ERCC6L2: variants seen among roughly 807,000 people sequenced by gnomAD.
ERCC6L2 encodes ERCC excision repair 6 like 2, also known as DNA excision repair protein ERCC-6-like 2.
ERCC6L2 carries 77 observed loss-of-function variants against 132.0 expected under a neutral mutation model. That is an observed-to-expected ratio of 0.58 (90% CI 0.49 to 0.71). The LOEUF (loss-of-function observed/expected upper bound fraction) is 0.71. Ranked by LOEUF, ERCC6L2 falls within the 30% of genes least tolerant of loss-of-function variation. The probability of loss-of-function intolerance (pLI) is 0.00; values close to 1 mark genes in which losing one functional copy is unlikely to be tolerated. For synonymous variants in ERCC6L2, 583 were observed against 632.4 expected (o/e 0.92, Z 1.17); for missense variants, 1,542 against 1,837.6 (o/e 0.84, Z 2.94).
At position 96,012,734 on chromosome 9, in the gene ERCC6L2, G is replaced by A. The variant is rs139804314; in HGVS notation, c.4184G>A (p.Arg1395Lys). Reference protein sequence around the residue: ...LNSESETRERRLENTMKDQQD... With the variant: ...LNSESETRERKLENTMKDQQD... ...AGTGAGTCTGAAACACGTGAGAGAA[G>A]GTTAGAAAATACCATGAAAGACCAA... The change falls in exon 19 of 19, where the codon AGG (arginine) becomes AAG (lysine). Residue 1395 changes from arginine (R) to lysine (K), a missense_variant. Physicochemically the swap from Arg to Lys is conservative, Grantham distance 26. Coordinates refer to ENST00000653738, the MANE Select transcript of ERCC6L2 (RefSeq NM_020207.7). The A allele has an allele frequency of 2.2e-6, 3 of 1,367,382 alleles. No individual in the cohort carries two copies. In the African/African-American group the frequency reaches 4.4e-5, roughly 20 times the overall value. 84.7% of individuals were successfully genotyped at this position (1,367,382 alleles called of 1,614,324 possible). A position where few individuals can be genotyped will look rare whatever the true frequency, so the allele number is the denominator to read the frequency against.
At position 96,013,026 on chromosome 9, in the gene ERCC6L2, A is replaced by T. The variant is rs1487383288; in HGVS notation, c.4476A>T (p.Lys1492Asn). Residue 1492 changes from lysine (K) to asparagine (N), a missense_variant, in exon 19 of 19, where the codon AAA (lysine) becomes AAT (asparagine). This residue lies in a region of ERCC6L2 where 442 missense variants were observed against 583.4 expected (regional missense o/e 0.76). Transcript: ENST00000653738. ...LNEQNDESLS[K>N]LTDLAVIETL... ...AGCAGAATGATGAGAGTCTTAGTAA[A>T]CTCACAGACTTGGCAGTAATAGAGA... 1 of 1,367,644 alleles carries T rather than the reference A, an allele frequency of 7.3e-7. No individual in the cohort carries two copies. The highest frequency in any genetic ancestry group is 1.5e-5 in the African/African-American group (1 of 67,864). 84.7% of individuals were successfully genotyped at this position (1,367,644 alleles called of 1,614,324 possible). A position where few individuals can be genotyped will look rare whatever the true frequency, so the allele number is the denominator to read the frequency against.
chr9:95,986,497 CT>C (rs57381408), intron 17 of ERCC6L2, among the ~76,000 whole-genome samples: 55,978 of 115,948 alleles, frequency 0.48, 11,947 homozygotes, highest in Admixed American at 0.56. Context: ...TATCTCTCTC[CT>C]TTTTTTTTTT....
rs1023889516 is a variant in ERCC6L2, at chr9:96,018,302, T to A, written c.*5099T>A. Among the ~76,000 whole-genome samples, 1 of 152,198 alleles carries A rather than the reference T, an allele frequency of 6.6e-6. No individual in the cohort carries two copies. The highest frequency in any genetic ancestry group is 1.5e-5 in the Non-Finnish European group (1 of 68,028). On this transcript the variant is annotated 3_prime_UTR_variant, in exon 19 of 19. Coordinates refer to ENST00000653738, the MANE Select transcript of ERCC6L2 (RefSeq NM_020207.7). ...CCAAAAGCAACACCTCTCCAGAATG[T>A]GTGTTATATACCAAATTTTGATGTA...
chr9:96,001,523 A>G (rs1833678709), intron 17 of ERCC6L2, among the ~76,000 whole-genome samples: 1 of 152,196 alleles, frequency 6.6e-6, no homozygotes, highest in Admixed American at 6.5e-5. Flanking sequence ...CTTGAGCTAA[A>G]CACAGGGTGC....
At chr9:95,924,375 G>C (rs1830012946) in intron 9 of ERCC6L2, among the ~76,000 whole-genome samples, 1 of 151,624 alleles carries the variant, frequency 6.6e-6, no homozygotes, top group South Asian at 2.1e-4. Context: ...ATATTAATGA[G>C]GATATCATGT....
chr9:95,980,347 T>C (rs1454057191), intron 17 of ERCC6L2, among the ~76,000 whole-genome samples: 1 of 152,154 alleles, frequency 6.6e-6, no homozygotes, highest in African/African-American at 2.4e-5. Flanking sequence ...ATAAACCCTT[T>C]TCAGAGAAGA....
Position 95,974,655 on chromosome 9 carries a change from G to A in ERCC6L2, c.3337+1567G>A, listed in dbSNP as rs180942871. Among the ~76,000 whole-genome samples the A allele has an allele frequency of 3.9e-5, 6 of 152,088 alleles. No homozygotes were observed. The East Asian group carries it at 9.7e-4, about 25-fold the overall frequency. On this transcript the variant is annotated intron_variant, in intron 16 of 18. Coordinates refer to ENST00000653738, the MANE Select transcript of ERCC6L2 (RefSeq NM_020207.7). ...AAAGTGTGTTTCAAGACCACAGTCT[G>A]GTGCTAGTAATGAACATTGCTACTG... is the stretch of plus-strand genomic sequence containing the variant.
Position 95,988,874 on chromosome 9 carries a change from C to T in ERCC6L2, c.3492+10659C>T, listed in dbSNP as rs573312769. On this transcript the variant is annotated intron_variant, in intron 17 of 18. Coordinates refer to ENST00000653738, the MANE Select transcript of ERCC6L2 (RefSeq NM_020207.7). ...ACAAGACTACCTACAGCTTGTCAGT[C>T]ACAAGACCCAGTTTGTTTTACCTGT... Among the ~76,000 whole-genome samples the T allele has an allele frequency of 7.9e-5, 12 of 152,352 alleles. No individual in the cohort carries two copies. The East Asian group carries it at 2.3e-3, about 29-fold the overall frequency.
intron 4 of ERCC6L2, among the ~76,000 whole-genome samples, chr9:95,909,609 A>G (rs541032356): frequency 6.6e-6 from 1 of 152,094 alleles, no homozygotes; most frequent in Non-Finnish European, 1.5e-5. Flanking sequence ...TTTGAGATTC[A>G]TTCATGTTGA....
At chr9:95,921,358 A>G in intron 7 of ERCC6L2, 43 bp downstream of exon 7, 1 of 1,530,380 alleles carries the variant, frequency 6.5e-7, no homozygotes, top group Non-Finnish European at 8.9e-7. Flanking sequence ...TTTTGATTAC[A>G]TAGTACTCTC....
chr9:95,941,473 A>T lies in ERCC6L2; in HGVS notation c.1771A>T (p.Asn591Tyr), dbSNP rs758443571. 7 of 1,612,790 alleles carry T rather than the reference A, an allele frequency of 4.3e-6. No individual in the cohort carries two copies. In the African/African-American group the frequency reaches 8.0e-5, roughly 18 times the overall value. ...CTCCAGGGCTGGTGGACTAGGCCTC[A>T]ATTTTGTCGGTGCCAATGTTGTTGT... ...VSTMAGGLGL[N>Y]FVGANVVVLF... Residue 591 changes from asparagine to tyrosine, a missense_variant, in exon 12 of 19, where the codon AAT (asparagine) becomes TAT (tyrosine). Coordinates refer to ENST00000653738, the MANE Select transcript of ERCC6L2 (RefSeq NM_020207.7).
At chr9:95,970,863 G>A (rs962529650) in intron 15 of ERCC6L2, among the ~76,000 whole-genome samples, 18 of 152,094 alleles carry the variant, frequency 1.2e-4, no homozygotes, top group African/African-American at 3.6e-4. Context: ...AGCAGTTCAG[G>A]CATTTACAGC....
At chr9:95,994,854 T>C (rs1322184802) in intron 17 of ERCC6L2, among the ~76,000 whole-genome samples, 1 of 152,226 alleles carries the variant, frequency 6.6e-6, no homozygotes, top group Non-Finnish European at 1.5e-5. Flanking sequence ...TTACAGTGTA[T>C]GGGTGTGGGA....
In ERCC6L2 at chr9:95,972,726, C is replaced by A; in HGVS notation, c.2975C>A (p.Ser992Ter). 1 of 1,302,528 alleles carries A rather than the reference C, an allele frequency of 7.7e-7. No individual in the cohort carries two copies. Among genetic ancestry groups the A allele is most frequent in the Non-Finnish European group, 1.0e-6 (1 of 988,764 alleles). The allele number at this position is 1,302,528 out of a possible 1,614,324, so 80.7% of individuals were successfully genotyped here. Residue 992 changes from serine (S) to a stop codon, truncating the protein, a stop_gained, in exon 16 of 19, where the codon TCA becomes TAA. Transcript: ENST00000653738. LOFTEE classifies it high-confidence loss of function. The stretch of plus-strand genomic sequence containing the variant: ...GATGACATTGAAATTTCTTCCAAGT[C>A]AAGAGTAAGAAAGAGAGCTAGTTCA... ...ESDDIEISSKSRVRKRASSLR... is the reference protein window; with the variant it reads ...ESDDIEISSK
downstream of ERCC6L2, chr9:96,020,533 G>T: frequency 2.9e-6 from 1 of 339,708 alleles, no homozygotes; most frequent in Non-Finnish European, 5.8e-6. Context: ...TGCCCTCAAA[G>T]ACCCCTTAGG....
intron 17 of ERCC6L2, among the ~76,000 whole-genome samples, chr9:95,991,379 C>G (rs1833295709): frequency 6.6e-6 from 1 of 152,114 alleles, no homozygotes; most frequent in South Asian, 2.1e-4. Flanking sequence ...CCCTTTACTG[C>G]CCATCTTTTT....
intron 2 of ERCC6L2, among the ~76,000 whole-genome samples, chr9:95,891,691 A>G (rs1055392690): frequency 3.3e-5 from 5 of 151,898 alleles, no homozygotes; most frequent in African/African-American, 1.2e-4. Context: ...ATGCCTCCAC[A>G]TCATTGCCAA....
At chr9:95,908,468 A>G (rs1258908841) in intron 4 of ERCC6L2, among the ~76,000 whole-genome samples, 1 of 152,186 alleles carries the variant, frequency 6.6e-6, no homozygotes, top group Non-Finnish European at 1.5e-5. Flanking sequence ...TTGAAATTCG[A>G]GCTTCCAGGA....
chr9:95,924,070 T>TC (rs1185084188), intron 9 of ERCC6L2, among the ~76,000 whole-genome samples: 1 of 152,210 alleles, frequency 6.6e-6, no homozygotes, highest in Admixed American at 6.5e-5. Context: ...CCCCTTAGTG[T>TC]CTATCAAGAA....
Sources: allele counts gnomAD v4.1 joint callset (sites outside exome capture counted in the v4.1 genomes callset), GRCh38; gene constraint gnomAD v4.1.1; regional missense constraint gnomAD v4.1.1; transcripts MANE v1.5; gene names NCBI Gene and HGNC (gene_info 2026-07-23, HGNC 2026-07-21).